Variants in SLC1A1 observed in about 807,000 individuals in gnomAD.
SLC1A1 encodes excitatory amino acid transporter 3.
SLC1A1 carries 43 observed loss-of-function variants against 53.3 expected under a neutral mutation model. The ratio of observed to expected loss-of-function variants is 0.81; its 90% CI spans 0.63 to 1.04. SLC1A1 has a LOEUF of 1.04. Among genes scored for constraint, SLC1A1 ranks in the 50% least tolerant of loss-of-function variants. The pLI is 0.00. For synonymous variants in SLC1A1, 307 were observed against 243.2 expected (o/e 1.26, Z -2.44); for missense variants, 748 against 664.9 (o/e 1.12, Z -1.37).
In SLC1A1 at chr9:4,572,219, T is replaced by C. The variant is rs368385733; in HGVS notation, c.598T>C (p.Tyr200His). Residue 200 changes from tyrosine (Y) to histidine (H), a missense_variant, in exon 7 of 12, where the codon TAC becomes CAC. Tyr to His is a moderately conservative substitution (Grantham distance 83, BLOSUM62 2). Transcript: ENST00000262352. ...TAISKNKTKE[Y>H]KIVGMYSDGI... Reference sequence around the variant, plus strand: ...TGATCCACAGAACAAAACAAAGGAATACAAAATTGTTGGCATGTATTCAGA... The same window carrying C: ...TGATCCACAGAACAAAACAAAGGAACACAAAATTGTTGGCATGTATTCAGA... 1 of 1,613,386 alleles carries C rather than the reference T, an allele frequency of 6.2e-7. No individual in the cohort carries two copies. Among genetic ancestry groups the C allele is most frequent in the Non-Finnish European group, 8.5e-7 (1 of 1,179,316 alleles).
intron 2 of SLC1A1, among the ~76,000 whole-genome samples, chr9:4,548,246 C>T (rs1252345167): frequency 6.6e-6 from 1 of 152,152 alleles, no homozygotes; most frequent in Non-Finnish European, 1.5e-5. Flanking sequence ...AAGTAGTCTT[C>T]AGCCTCCCTA....
At chr9:4,526,553 A>G (rs561702630) in intron 1 of SLC1A1, among the ~76,000 whole-genome samples, 6 of 152,322 alleles carry the variant, frequency 3.9e-5, no homozygotes, top group African/African-American at 1.4e-4. Flanking sequence ...ACCCTCAACC[A>G]TAATGTTTTA....
At chr9:4,507,412 A>G (rs926802572) in intron 1 of SLC1A1, among the ~76,000 whole-genome samples, 2 of 152,170 alleles carry the variant, frequency 1.3e-5, no homozygotes, top group Non-Finnish European at 2.9e-5. Flanking sequence ...GCTGATCCAC[A>G]TGGAGTTACT....
intron 1 of SLC1A1, among the ~76,000 whole-genome samples, chr9:4,517,791 G>A (rs1338232382): frequency 2.6e-5 from 4 of 152,122 alleles, no homozygotes; most frequent in African/African-American, 9.7e-5. Context: ...TTCATGTGAT[G>A]GGGCTTGGGC....
At position 4,565,772 on chromosome 9, in the gene SLC1A1, C is replaced by T. The variant is rs1819427739; in HGVS notation, c.441-275C>T. 1.3e-5 allele frequency among the ~76,000 whole-genome samples: 2 copies of T among 152,292 alleles called. 1 individual carries two copies. The highest frequency in any genetic ancestry group is 4.1e-4 in the South Asian group (2 of 4,822). On this transcript the variant is annotated intron_variant, in intron 4 of 11. Transcript: ENST00000262352. ...TTCAGAATATTAAAGAATAAATAGT[C>T]TCTTGACTGTGAGTGTCCATTTCAC...
chr9:4,558,036 T>G (rs1482745033), intron 2 of SLC1A1, among the ~76,000 whole-genome samples: 1 of 152,060 alleles, frequency 6.6e-6, no homozygotes, highest in Non-Finnish European at 1.5e-5. Flanking sequence ...ATATAGTGTT[T>G]ATTGTCATCA....
chr9:4,566,149 G>GTT, intron 5 of SLC1A1, 60 bp downstream of exon 5: 1 of 1,444,474 alleles, frequency 6.9e-7, no homozygotes, highest in Non-Finnish European at 9.7e-7. Flanking sequence ...AATTAAAAAT[G>GTT]TTTTTTTCTG....
chr9:4,496,646 G>T (rs1300626648), intron 1 of SLC1A1, among the ~76,000 whole-genome samples: 1 of 152,040 alleles, frequency 6.6e-6, no homozygotes, highest in East Asian at 1.9e-4. Flanking sequence ...TGTAATCCCA[G>T]CACTTTGGGA....
intron 6 of SLC1A1, among the ~76,000 whole-genome samples, chr9:4,570,390 G>A (rs1439694137): frequency 6.8e-6 from 1 of 146,706 alleles, no homozygotes; most frequent in African/African-American, 2.5e-5. Flanking sequence ...TTTTTTTTTT[G>A]AGATGGAGTC....
chr9:4,511,285 T>G (rs1008811821), intron 1 of SLC1A1, among the ~76,000 whole-genome samples: 1 of 152,138 alleles, frequency 6.6e-6, no homozygotes, highest in Non-Finnish European at 1.5e-5. Context: ...CCGTGTCTGC[T>G]GAGGGCCCAC....
chr9:4,586,653 A>C lies in SLC1A1; in HGVS notation c.*1095A>C, dbSNP rs1821593046. ...GAGGCCAGTACTTTGCCATCCTTGC[A>C]CTTCTGTTATCAGGGCCCAAATAAC... On this transcript the variant is annotated 3_prime_UTR_variant, in exon 12 of 12. Coordinates refer to ENST00000262352, the MANE Select transcript of SLC1A1 (RefSeq NM_004170.6). The C allele has an allele frequency of 1.3e-5, 2 of 152,210 alleles. No homozygotes were observed. 9.4% of individuals were successfully genotyped at this position (152,210 alleles called of 1,614,324 possible).
chr9:4,512,369 A>G (rs1379744600), intron 1 of SLC1A1, among the ~76,000 whole-genome samples: 1 of 152,016 alleles, frequency 6.6e-6, no homozygotes, highest in Non-Finnish European at 1.5e-5. Flanking sequence ...TTAGCCAGGC[A>G]TGGTGGCATG....
At chr9:4,542,760 T>G (rs1487785551) in intron 1 of SLC1A1, among the ~76,000 whole-genome samples, 1 of 152,198 alleles carries the variant, frequency 6.6e-6, no homozygotes, top group East Asian at 1.9e-4. Flanking sequence ...ATCGTACTTT[T>G]TAAATTTATT....
In SLC1A1 at chr9:4,490,479, G is replaced by A. The variant is rs780123321; in HGVS notation, c.-201G>A. 5.6e-6 allele frequency: 2 copies of A among 355,512 alleles called. No homozygotes were observed. The highest frequency in any genetic ancestry group is 2.2e-5 in the African/African-American group (1 of 46,048). 22.0% of individuals were successfully genotyped at this position (355,512 alleles called of 1,614,324 possible). On this transcript the variant is annotated 5_prime_UTR_variant, in exon 1 of 12. Transcript: ENST00000262352. The stretch of plus-strand genomic sequence containing the variant: ...GGCGCGCCTGCCACGCAAAACTACC[G>A]GGCTGGCAGGGCGGCGGGCGCGGTG...
At chr9:4,504,293 G>T (rs543857275) in intron 1 of SLC1A1, among the ~76,000 whole-genome samples, 1 of 152,130 alleles carries the variant, frequency 6.6e-6, no homozygotes, top group African/African-American at 2.4e-5. Context: ...ACCATTCATT[G>T]AATTTATTTC....
intron 3 of SLC1A1, among the ~76,000 whole-genome samples, chr9:4,564,101 AC>A (rs1819249310): frequency 1.3e-5 from 2 of 152,082 alleles, no homozygotes; most frequent in African/African-American, 2.4e-5. Context: ...ACATACACAC[AC>A]ACACAGACGC....
At chr9:4,525,675 T>C (rs1816234025) in intron 1 of SLC1A1, among the ~76,000 whole-genome samples, 1 of 151,924 alleles carries the variant, frequency 6.6e-6, no homozygotes, top group African/African-American at 2.4e-5. Context: ...GTTCTAGAAA[T>C]GAAACTTAGA....
rs1390001480 is a variant in SLC1A1, at chr9:4,490,744, T to C, written c.65T>C (p.Leu22Pro). 3 of 1,612,714 alleles carry C rather than the reference T, an allele frequency of 1.9e-6. No homozygotes were observed. Among genetic ancestry groups the C allele is most frequent in the South Asian group, 1.1e-5 (1 of 91,030 alleles). ...KRFLKNNWVL[L>P]STVAAVVLGI... is the part of the protein sequence containing the mutation. ...TTCCTGAAGAATAACTGGGTGTTGC[T>C]GTCCACCGTGGCCGCGGTGGTGCTA... is the stretch of plus-strand genomic sequence containing the variant. Residue 22 changes from leucine to proline, a missense_variant, in exon 1 of 12, where the codon CTG becomes CCG. Physicochemically the swap from Leu to Pro is moderately conservative, Grantham distance 98. Transcript: ENST00000262352.
intron 1 of SLC1A1, among the ~76,000 whole-genome samples, chr9:4,525,427 G>C (rs1816223466): frequency 6.6e-6 from 1 of 152,086 alleles, no homozygotes; most frequent in Admixed American, 6.6e-5. Flanking sequence ...TAAGTAGCCT[G>C]TAGGTAGACT....
Sources: gnomAD v4.1 joint callset for allele counts (sites outside exome capture counted in the v4.1 genomes callset) on GRCh38, gnomAD v4.1.1 for gene constraint, MANE v1.5 for transcripts, NCBI Gene and HGNC (gene_info 2026-07-23, HGNC 2026-07-21) for gene names.